Variants in TLN1 observed in about 807,000 individuals in gnomAD.
The protein encoded by TLN1 is talin 1.
TLN1 carries 56 observed loss-of-function variants against 292.3 expected under a neutral mutation model. That is an observed-to-expected ratio of 0.19 (90% CI 0.15 to 0.24). The LOEUF is 0.24. Ranked by LOEUF, TLN1 falls within the 10% of genes least tolerant of loss-of-function variation. TLN1 has a pLI of 1.00. For synonymous variants in TLN1, 1,119 were observed against 1,253.7 expected (o/e 0.89, Z 2.27); for missense variants, 2,433 against 3,248.2 (o/e 0.75, Z 6.10).
chr9:35,706,033 G>A lies in TLN1; in HGVS notation c.5440C>T (p.Leu1814Phe). 6.2e-7 allele frequency: 1 copy of A among 1,614,228 alleles called. No homozygotes were observed. Among genetic ancestry groups the A allele is most frequent in the South Asian group, 1.1e-5 (1 of 91,090 alleles). The change falls in exon 41 of 57, where the codon CTC becomes TTC. Residue 1814 changes from leucine (L) to phenylalanine (F), a missense_variant. Leu to Phe is a conservative substitution (Grantham distance 22). Coordinates refer to ENST00000314888, the MANE Select transcript of TLN1 (RefSeq NM_006289.4). This position sits in a 1 kb window ranked among gnomAD's most constrained non-coding sequence, Gnocchi z 4.2. ...TEAVEDLTTT[L>F]NEAASAAGVV... ...CCAGCAGCACTGGCTGCCTCGTTGA[G>A]GGTTGTTGTCAGGTCCTCTACGGCC...
rs759181283 is a variant in TLN1, at chr9:35,715,059, C to G, written c.2754G>C (p.Glu918Asp). The change falls in exon 21 of 57, where the codon GAG becomes GAC. Residue 918 changes from glutamate to aspartate, a missense_variant and splice_region_variant. Around this residue, in one of 7 missense-constraint regions of TLN1, gnomAD observed 617 missense variants for 770.6 expected, o/e 0.80. Coordinates refer to ENST00000314888, the MANE Select transcript of TLN1 (RefSeq NM_006289.4). Reference sequence around the variant, plus strand: ...CTCCTGGTGAAACTCCCAGCCTCACCTCCAGGCGCTGCACCAGCTTTTTCT... The same window carrying G: ...CTCCTGGTGAAACTCCCAGCCTCACGTCCAGGCGCTGCACCAGCTTTTTCT... ...AIKKKLVQRL[E>D]HAAKQAAASA... The G allele has an allele frequency of 6.2e-7, 1 of 1,612,934 alleles. No homozygotes were observed. The highest frequency in any genetic ancestry group is 1.1e-5 in the South Asian group (1 of 91,022).
intron 1 of TLN1, among the ~76,000 whole-genome samples, chr9:35,730,133 G>A (rs892848865): frequency 6.6e-6 from 1 of 151,776 alleles, no homozygotes; most frequent in African/African-American, 2.4e-5. Context: ...TGAGGTCAGA[G>A]GCCAGGTCAG....
At chr9:35,722,330 G>T (rs550189289) in intron 8 of TLN1, 107 bp from the exon 9 acceptor site, 1 of 970,264 alleles carries the variant, frequency 1.0e-6, no homozygotes, top group Non-Finnish European at 1.6e-6. Context: ...ACACTGGAAA[G>T]GTTGAGGAGT....
intron 3 of TLN1, 79 bp downstream of exon 3, chr9:35,725,145 T>A: frequency 6.4e-7 from 1 of 1,554,156 alleles, no homozygotes; most frequent in South Asian, 1.1e-5. Flanking sequence ...ACAACAGATG[T>A]GGGTGCTGAA....
At position 35,724,436 on chromosome 9, in the gene TLN1, A is replaced by C. The variant is rs1234511325; in HGVS notation, c.512-102T>G. 7.0e-6 allele frequency: 11 copies of C among 1,572,708 alleles called. No individual in the cohort carries two copies. In the East Asian group the frequency reaches 2.2e-4, roughly 32 times the overall value. ...TCCTACCTCCCCTCACTTAAATGTA[A>C]GTCCCATGAGTGTAGGACTTTGTTT... On this transcript the variant is annotated intron_variant, in intron 5 of 56. Coordinates refer to ENST00000314888, the MANE Select transcript of TLN1 (RefSeq NM_006289.4). The surrounding 1 kb of genome is among the most constrained non-coding windows in gnomAD (Gnocchi z 4.7).
intron 11 of TLN1, 120 bp from the exon 12 acceptor site, chr9:35,720,629 C>A: frequency 7.2e-6 from 6 of 833,100 alleles, no homozygotes; most frequent in African/African-American, 1.9e-5. Context: ...ATTTCTTTTT[C>A]TTTTTTTTTT....
Position 35,714,098 on chromosome 9 carries a change from G to A in TLN1, c.3121-17C>T, listed in dbSNP as rs1485638150. 2.5e-6 allele frequency: 4 copies of A among 1,613,494 alleles called. No individual in the cohort carries two copies. Among genetic ancestry groups the A allele is most frequent in the African/African-American group, 1.3e-5 (1 of 75,036 alleles). On this transcript the variant is annotated splice_polypyrimidine_tract_variant and intron_variant, in intron 24 of 56. Coordinates refer to ENST00000314888, the MANE Select transcript of TLN1 (RefSeq NM_006289.4). This position sits in a 1 kb window ranked among gnomAD's most constrained non-coding sequence, Gnocchi z 4.6. ...TTCCTGAGCCTATGATAAGAAAGGG[G>A]TTTTGGGTGTAGAAGGTCCTGCTGT...
chr9:35,707,852 G>A lies in TLN1; in HGVS notation c.4511C>T (p.Ala1504Val), dbSNP rs1825593240. The A allele has an allele frequency of 6.2e-7, 1 of 1,614,066 alleles. No individual in the cohort carries two copies. Among genetic ancestry groups the A allele is most frequent in the South Asian group, 1.1e-5 (1 of 91,086 alleles). The change falls in exon 35 of 57, where the codon GCA becomes GTA. Residue 1504 changes from alanine (A) to valine (V), a missense_variant. Transcript: ENST00000314888. The surrounding 1 kb of genome is among the most constrained non-coding windows in gnomAD (Gnocchi z 5.6). ...AGCCAGGCGACAGCTGTTACACAGT[G>A]CAGAGGTGTGTTTAGCCACAATGGT... ...AATIVAKHTS[A>V]LCNSCRLASA...
chr9:35,708,286 G>C, intron 34 of TLN1, 55 bp downstream of exon 34: 1 of 1,523,856 alleles, frequency 6.6e-7, no homozygotes, highest in Non-Finnish European at 8.8e-7. Context: ...TCTACTCCAC[G>C]GGGTCGGTCT....
At chr9:35,712,596 C>A (rs147506910) in intron 27 of TLN1, among the ~76,000 whole-genome samples, 2 of 147,252 alleles carry the variant, frequency 1.4e-5, no homozygotes, top group African/African-American at 5.0e-5. Flanking sequence ...TGCACTGAGC[C>A]GAAATTGCGC....
At chr9:35,700,420 CTA>C (rs550483263) in intron 48 of TLN1, 44 bp from the exon 49 acceptor site, 17 of 1,568,964 alleles carry the variant, frequency 1.1e-5, no homozygotes, top group Non-Finnish European at 1.4e-5. Flanking sequence ...GTGGCTGAGA[CTA>C]TGAGACAGCG....
chr9:35,724,740 G>T lies in TLN1; in HGVS notation c.359-16C>A, dbSNP rs775922107. 1.9e-6 allele frequency: 3 copies of T among 1,613,988 alleles called. No homozygotes were observed. Among genetic ancestry groups the T allele is most frequent in the Non-Finnish European group, 2.5e-6 (3 of 1,179,962 alleles). On this transcript the variant is annotated splice_polypyrimidine_tract_variant and intron_variant, in intron 4 of 56. Coordinates refer to ENST00000314888, the MANE Select transcript of TLN1 (RefSeq NM_006289.4). The surrounding 1 kb of genome is among the most constrained non-coding windows in gnomAD (Gnocchi z 4.7). ...TTGGTGATGCCTGAGGAAGGAGATG[G>T]CTTGTTAGCTTCCCAGGTACTGCAT...
chr9:35,711,777 C>T lies in TLN1; in HGVS notation c.3697G>A (p.Gly1233Arg). The T allele has an allele frequency of 2.5e-6, 4 of 1,613,984 alleles. No homozygotes were observed. The highest frequency in any genetic ancestry group is 3.4e-6 in the Non-Finnish European group (4 of 1,180,026). ...LLSDSLPPST[G>R]TFQEAQSRLN... ...CGGCTCTGAGCTTCTTGAAATGTCC[C>T]AGTGCTAGGAGGAAGCTGCAAGGTG... is the stretch of plus-strand genomic sequence containing the variant. Residue 1233 changes from glycine to arginine, a missense_variant, in exon 29 of 57, where the codon GGG becomes AGG. Transcript: ENST00000314888.
chr9:35,725,988 C>T (rs1985474), intron 1 of TLN1, among the ~76,000 whole-genome samples: 32,555 of 152,074 alleles, frequency 0.21, 4,287 homozygotes, highest in East Asian at 0.32. Flanking sequence ...TCTCAGCTCG[C>T]TGCAAGCTCC....
chr9:35,723,798 T>A, intron 7 of TLN1, 154 bp downstream of exon 7: 2 of 1,113,554 alleles, frequency 1.8e-6, no homozygotes, highest in Non-Finnish European at 2.6e-6. Context: ...AGACAATGGA[T>A]GATGGCAACT....
At position 35,703,810 on chromosome 9, in the gene TLN1, C is replaced by G; in HGVS notation, c.6322G>C (p.Asp2108His). 1.2e-6 allele frequency: 2 copies of G among 1,614,224 alleles called. No individual in the cohort carries two copies. Among genetic ancestry groups the G allele is most frequent in the Non-Finnish European group, 1.7e-6 (2 of 1,180,052 alleles). ...TKAAAGKVGD[D>H]PAVWQLKNSA... ...TTCTTTAGCTGCCACACAGCAGGGT[C>G]ATCTCCAACTTTGCCAGCTGCAGCC... The change falls in exon 47 of 57, where the codon GAC becomes CAC. Residue 2108 changes from aspartate to histidine, a missense_variant. This residue lies in a region of TLN1 where 1,384 missense variants were observed against 1,699.6 expected (regional missense o/e 0.81). Transcript: ENST00000314888.
chr9:35,720,555 G>A, intron 11 of TLN1, 46 bp from the exon 12 acceptor site: 6 of 1,587,358 alleles, frequency 3.8e-6, no homozygotes, highest in African/African-American at 1.3e-5. Context: ...TTAAAGAAGA[G>A]GGAAGTGGAG....
At chr9:35,701,792 AAG>A (rs1393784749) in intron 48 of TLN1, among the ~76,000 whole-genome samples, 1 of 152,104 alleles carries the variant, frequency 6.6e-6, no homozygotes. Context: ...GAATGAGAGA[AAG>A]AGAGAAGTCT....
intron 1 of TLN1, among the ~76,000 whole-genome samples, chr9:35,729,786 G>A (rs1368128767): frequency 6.6e-6 from 1 of 152,142 alleles, no homozygotes; most frequent in Non-Finnish European, 1.5e-5. Context: ...TTTAGGCGAC[G>A]AATTGGGAAG....
Sources: allele counts gnomAD v4.1 joint callset (sites outside exome capture counted in the v4.1 genomes callset), GRCh38; gene constraint gnomAD v4.1.1; regional missense constraint gnomAD v4.1.1; non-coding constraint Gnocchi (gnomAD v3.1); transcripts MANE v1.5; gene names NCBI Gene and HGNC (gene_info 2026-07-23, HGNC 2026-07-21).